Variants in CFAP53 observed in about 807,000 individuals in gnomAD.
CFAP53 encodes the protein cilia and flagella associated protein 53, also known as cilia- and flagella-associated protein 53.
Under a neutral mutation model 59.7 loss-of-function variants are expected in CFAP53, and 62 were observed. The ratio of observed to expected loss-of-function variants is 1.04; its 90% CI spans 0.85 to 1.28. CFAP53 has a LOEUF of 1.28. Ranked by LOEUF, CFAP53 falls within the 50% of genes most tolerant of loss-of-function variation. CFAP53 has a pLI of 0.00. For missense variants in CFAP53, 629 were observed against 615.6 expected, an observed-to-expected ratio of 1.02 and a Z score of -0.23; for synonymous variants, 218 against 205.7, an observed-to-expected ratio of 1.06 and a Z score of -0.51.
Position 50,251,585 on chromosome 18 carries a change from C to A in CFAP53, c.673G>T (p.Glu225Ter). The change falls in exon 4 of 8, where the codon GAG becomes TAG. Residue 225 changes from glutamate to a stop codon, truncating the protein, a stop_gained. Coordinates refer to ENST00000398545, the MANE Select transcript of CFAP53 (RefSeq NM_145020.5). LOFTEE classifies it high-confidence loss of function. ...REAQEARRQKELMENTRLGLN... is the reference protein window; with the variant it reads ...REAQEARRQK The stretch of plus-strand genomic sequence containing the variant: ...CCCAGGCGTGTGTTCTCCATCAGCT[C>A]TTTCTGTCTCCTCGCCTCTTGGGCT... 1 of 1,614,250 alleles carries A rather than the reference C, an allele frequency of 6.2e-7. No individual in the cohort carries two copies. The highest frequency in any genetic ancestry group is 8.5e-7 in the Non-Finnish European group (1 of 1,180,046).
chr18:50,229,897 A>T (rs190858232), intron 7 of CFAP53, among the ~76,000 whole-genome samples: 3 of 151,994 alleles, frequency 2.0e-5, no homozygotes, highest in Admixed American at 2.0e-4. Flanking sequence ...ATAGGTGCAC[A>T]CAACCACACC....
In CFAP53 at chr18:50,266,478, T is replaced by A. The variant is rs1306646570; in HGVS notation, c.-74A>T. On this transcript the variant is annotated 5_prime_UTR_variant, in exon 1 of 8. Transcript: ENST00000398545. ...ACCGTGGCGACCTGCGGGACCCGCT[T>A]CCGCGACGCAGAAGTCTGGTTGCCA... is the stretch of plus-strand genomic sequence containing the variant. 11 of 1,451,796 alleles carry A rather than the reference T, an allele frequency of 7.6e-6. No homozygotes were observed. The highest frequency in any genetic ancestry group is 1.4e-5 in the African/African-American group (1 of 71,764). The allele number at this position is 1,451,796 out of a possible 1,614,324, so 89.9% of individuals were successfully genotyped here.
At chr18:50,249,991 GGTGGGAGGATC>G (rs1275182606) in intron 5 of CFAP53, among the ~76,000 whole-genome samples, 2 of 152,158 alleles carry the variant, frequency 1.3e-5, no homozygotes, top group Non-Finnish European at 2.9e-5. Flanking sequence ...AGGAGGCTGA[GGTGGGAGGATC>G]ACTTGAGCCC....
intron 7 of CFAP53, among the ~76,000 whole-genome samples, chr18:50,237,734 T>C (rs1452091283): frequency 1.3e-5 from 2 of 152,032 alleles, no homozygotes; most frequent in Non-Finnish European, 2.9e-5. Context: ...TAGCTGCCTG[T>C]TTCCCCCACC....
chr18:50,241,243 T>C (rs1418970170), intron 6 of CFAP53, among the ~76,000 whole-genome samples: 1 of 152,142 alleles, frequency 6.6e-6, no homozygotes, highest in Non-Finnish European at 1.5e-5. Context: ...CCAATGTGGA[T>C]TGAATGTAAG....
At chr18:50,233,059 C>A (rs756516806) in intron 7 of CFAP53, among the ~76,000 whole-genome samples, 11 of 152,152 alleles carry the variant, frequency 7.2e-5, no homozygotes, top group Non-Finnish European at 2.9e-5. Flanking sequence ...AAATGGTTAA[C>A]CTGCACTATA....
chr18:50,254,180 C>T (rs1468600155), intron 3 of CFAP53, among the ~76,000 whole-genome samples: 4 of 148,356 alleles, frequency 2.7e-5, no homozygotes, highest in Non-Finnish European at 6.0e-5. Flanking sequence ...AACCACGTAT[C>T]GGACAAAGAA....
At chr18:50,242,697 T>C (rs868090344) in intron 6 of CFAP53, among the ~76,000 whole-genome samples, 1 of 152,194 alleles carries the variant, frequency 6.6e-6, no homozygotes. Flanking sequence ...CTTGAGAACT[T>C]CTCCCCGTGA....
At chr18:50,228,314 A>T (rs2033546677) in intron 7 of CFAP53, among the ~76,000 whole-genome samples, 1 of 151,712 alleles carries the variant, frequency 6.6e-6, no homozygotes, top group Non-Finnish European at 1.5e-5. Flanking sequence ...TCTGCTGTAG[A>T]TCAAAGGGCC....
At chr18:50,261,331 T>C in intron 2 of CFAP53, 94 bp from the exon 3 acceptor site, 3 of 1,305,986 alleles carry the variant, frequency 2.3e-6, no homozygotes, top group South Asian at 3.5e-5. Flanking sequence ...GTCTAATTTG[T>C]AAGAAAAGAA....
chr18:50,241,812 T>G (rs1194154651), intron 6 of CFAP53, among the ~76,000 whole-genome samples: 1 of 152,146 alleles, frequency 6.6e-6, no homozygotes, highest in Non-Finnish European at 1.5e-5. Flanking sequence ...TGCGTCCCAC[T>G]GTGCACGCAT....
At chr18:50,242,824 T>C (rs1662895) in intron 6 of CFAP53, 76 bp downstream of exon 6, 350,912 of 1,161,258 alleles carry the variant, frequency 0.3, 54,534 homozygotes, top group African/African-American at 0.41. Context: ...ATAAGTATTA[T>C]GGTTGTTAGT....
chr18:50,266,096 T>C (rs1332054355), intron 1 of CFAP53, among the ~76,000 whole-genome samples: 2 of 152,116 alleles, frequency 1.3e-5, no homozygotes, highest in Non-Finnish European at 1.5e-5. Flanking sequence ...CTAAATATTA[T>C]AACTTTGGGG....
In CFAP53 at chr18:50,262,107, C is replaced by T. The variant is rs762613428; in HGVS notation, c.182G>A (p.Arg61His). The change falls in exon 2 of 8, where the codon CGC becomes CAC. Residue 61 changes from arginine to histidine, a missense_variant. Coordinates refer to ENST00000398545, the MANE Select transcript of CFAP53 (RefSeq NM_145020.5). ...LASIKSSERD[R>H]LKAEWDQHND... Reference sequence around the variant, plus strand: ...GTGCTGGTCCCACTCAGCTTTCAAGCGATCCCGCTCACTTGACTTAATGGA... The same window carrying T: ...GTGCTGGTCCCACTCAGCTTTCAAGTGATCCCGCTCACTTGACTTAATGGA... The T allele has an allele frequency of 8.7e-6, 14 of 1,614,052 alleles. No individual in the cohort carries two copies. In the Middle Eastern group the frequency reaches 4.9e-4, roughly 57 times the overall value.
chr18:50,248,140 A>AC (rs556536578), intron 5 of CFAP53, among the ~76,000 whole-genome samples: 14,840 of 151,420 alleles, frequency 0.098, 1,734 homozygotes, highest in East Asian at 0.58. Flanking sequence ...AAAAAAAAAA[A>AC]AAAAAACAGA....
intron 3 of CFAP53, among the ~76,000 whole-genome samples, chr18:50,253,174 G>T (rs1326227378): frequency 2.0e-5 from 3 of 152,046 alleles, no homozygotes; most frequent in South Asian, 4.1e-4. Flanking sequence ...CCACCACCAC[G>T]CCTGGAGAAT....
chr18:50,236,344 T>C (rs2033633419), intron 7 of CFAP53, among the ~76,000 whole-genome samples: 1 of 152,220 alleles, frequency 6.6e-6, no homozygotes, highest in African/African-American at 2.4e-5. Context: ...TAAATTCTTT[T>C]ACCCCCATGC....
At position 50,251,481 on chromosome 18, in the gene CFAP53, C is replaced by T. The variant is rs557771609; in HGVS notation, c.777G>A (p.Val259=). The T allele has an allele frequency of 1.2e-6, 2 of 1,611,558 alleles. No homozygotes were observed. The highest frequency in any genetic ancestry group is 2.7e-5 in the African/African-American group (2 of 74,952). ...TCTAACAAGCATTTTAAAGGCCCAC[C>T]ACAAGGCGTGCCTCCTCTTCCTTCA... is the stretch of plus-strand genomic sequence containing the variant. ...QLLKEEEARL[V]ESNNAQIKHE... The change falls in exon 4 of 8, where the codon GTG becomes GTA. Residue 259 remains valine, a splice_region_variant and synonymous_variant. Coordinates refer to ENST00000398545, the MANE Select transcript of CFAP53 (RefSeq NM_145020.5).
intron 5 of CFAP53, among the ~76,000 whole-genome samples, chr18:50,245,081 A>C (rs1313917413): frequency 1.3e-5 from 2 of 150,344 alleles, no homozygotes; most frequent in African/African-American, 4.9e-5. Context: ...AAAAAAAAAA[A>C]AAACTATTAA....
Sources: gnomAD v4.1 joint callset for allele counts (sites outside exome capture counted in the v4.1 genomes callset) on GRCh38, gnomAD v4.1.1 for gene constraint, MANE v1.5 for transcripts, NCBI Gene and HGNC (gene_info 2026-07-23, HGNC 2026-07-21) for gene names.